The following MAP2K6 variants were observed in gnomAD, a reference collection of about 807,000 sequenced individuals.
MAP2K6 encodes the protein mitogen-activated protein kinase kinase 6.
A neutral mutation model predicts 53.7 loss-of-function variants in MAP2K6; 16 were observed. The ratio of observed to expected loss-of-function variants is 0.30; its 90% CI spans 0.20 to 0.45. MAP2K6 has a LOEUF of 0.45. Ranked by LOEUF, MAP2K6 falls within the 20% of genes least tolerant of loss-of-function variation. MAP2K6 has a pLI of 1.00. For missense variants in MAP2K6, 204 were observed against 411.9 expected (o/e 0.50, Z 4.37); for synonymous variants, 132 against 143.1 (o/e 0.92, Z 0.55).
chr17:69,457,310 T>G (rs1001891651), intron 1 of MAP2K6, among the ~76,000 whole-genome samples: 3 of 152,240 alleles, frequency 2.0e-5, no homozygotes, highest in African/African-American at 7.2e-5. Flanking sequence ...TCTTATCTGA[T>G]GCCTGTGGAC....
intron 1 of MAP2K6, among the ~76,000 whole-genome samples, chr17:69,424,732 A>T (rs1386496261): frequency 2.0e-5 from 3 of 152,228 alleles, no homozygotes; most frequent in African/African-American, 7.2e-5. Context: ...AAGTATGGTA[A>T]TTAAGAAGGG....
At chr17:69,487,142 C>T (rs1908571020) in intron 1 of MAP2K6, among the ~76,000 whole-genome samples, 1 of 152,158 alleles carries the variant, frequency 6.6e-6, no homozygotes, top group South Asian at 2.1e-4. Flanking sequence ...GGACTTTTTC[C>T]TTTGGATACC....
chr17:69,552,398 A>G lies in MAP2K6; in HGVS notation c.*10645A>G, dbSNP rs1313435150. 6.6e-6 allele frequency: 1 copy of G among 152,220 alleles called. No individual in the cohort carries two copies. The highest frequency in any genetic ancestry group is 1.5e-5 in the Non-Finnish European group (1 of 68,052). The allele number at this position is 152,220 out of a possible 1,614,324, so 9.4% of individuals were successfully genotyped here. On this transcript the variant is annotated 3_prime_UTR_variant, in exon 12 of 12. Coordinates refer to ENST00000590474, the MANE Select transcript of MAP2K6 (RefSeq NM_002758.4). Reference sequence around the variant, plus strand: ...TGAATGCTATTCAGTGGATTCCCTCATTGAGGCTCCCATCTTTCCTGCCAG... The same window carrying G: ...TGAATGCTATTCAGTGGATTCCCTCGTTGAGGCTCCCATCTTTCCTGCCAG...
At chr17:69,455,862 T>G (rs991760003) in intron 1 of MAP2K6, among the ~76,000 whole-genome samples, 4 of 145,936 alleles carry the variant, frequency 2.7e-5, no homozygotes, top group Non-Finnish European at 4.5e-5. Context: ...TTTTTTTTTT[T>G]TTTTTTTTTT....
In MAP2K6 at chr17:69,542,801, C is replaced by G. The variant is rs1911702634; in HGVS notation, c.*1048C>G. On this transcript the variant is annotated 3_prime_UTR_variant, in exon 12 of 12. Transcript: ENST00000590474. Reference sequence around the variant, plus strand: ...AAGGATTGCCTTTGTAGTTAATGTACTCTTTGGCTTTGTTTGTTTGTTTTC... The same window carrying G: ...AAGGATTGCCTTTGTAGTTAATGTAGTCTTTGGCTTTGTTTGTTTGTTTTC... 6.6e-6 allele frequency: 1 copy of G among 152,306 alleles called. No individual in the cohort carries two copies. The highest frequency in any genetic ancestry group is 2.1e-4 in the South Asian group (1 of 4,824). 9.4% of individuals were successfully genotyped at this position (152,306 alleles called of 1,614,324 possible).
At chr17:69,455,487 A>G (rs1907373583) in intron 1 of MAP2K6, among the ~76,000 whole-genome samples, 1 of 152,252 alleles carries the variant, frequency 6.6e-6, no homozygotes, top group African/African-American at 2.4e-5. Flanking sequence ...CATTATTTTT[A>G]ATCAGGAAGG....
At chr17:69,526,837 C>G in intron 10 of MAP2K6, 128 bp downstream of exon 10, 2 of 1,124,954 alleles carry the variant, frequency 1.8e-6, no homozygotes, top group Non-Finnish European at 2.5e-6. Context: ...TATGCCCTCT[C>G]TGCTGGAGAA....
At chr17:69,495,278 G>A (rs1236279029) in intron 1 of MAP2K6, among the ~76,000 whole-genome samples, 2 of 149,608 alleles carry the variant, frequency 1.3e-5, no homozygotes, top group Non-Finnish European at 3.0e-5. Flanking sequence ...CGCTCTTGTC[G>A]CCCAAGCTGG....
At position 69,494,471 on chromosome 17, in the gene MAP2K6, C is replaced by T. The variant is rs1312437429; in HGVS notation, c.17-11309C>T. On this transcript the variant is annotated intron_variant, in intron 1 of 11. Coordinates refer to ENST00000590474, the MANE Select transcript of MAP2K6 (RefSeq NM_002758.4). This position sits in a 1 kb window ranked among gnomAD's most constrained non-coding sequence, Gnocchi z 4.2. ...CAAGGTCGTGCCACTGCACTCCAGC[C>T]TGGGTGACAAAGTGAGACTCTGTCT... 2.0e-5 allele frequency among the ~76,000 whole-genome samples: 3 copies of T among 151,520 alleles called. No homozygotes were observed. Among genetic ancestry groups the T allele is most frequent in the Non-Finnish European group, 4.4e-5 (3 of 67,940 alleles).
intron 11 of MAP2K6, among the ~76,000 whole-genome samples, chr17:69,539,549 C>A (rs1162181918): frequency 6.6e-6 from 1 of 152,186 alleles, no homozygotes; most frequent in Non-Finnish European, 1.5e-5. Context: ...TCCCCCTGCC[C>A]TTCTGGCTCT....
At chr17:69,478,713 C>A (rs944078709) in intron 1 of MAP2K6, among the ~76,000 whole-genome samples, 1 of 152,208 alleles carries the variant, frequency 6.6e-6, no homozygotes, top group Admixed American at 6.5e-5. Context: ...GCATGAGCCA[C>A]GGTGCCTGGC....
At chr17:69,527,239 T>G (rs1157620451) in intron 10 of MAP2K6, among the ~76,000 whole-genome samples, 1 of 152,172 alleles carries the variant, frequency 6.6e-6, no homozygotes, top group Non-Finnish European at 1.5e-5. Context: ...AGAATTACTT[T>G]CGGTGAGAAG....
rs371555398 is a variant in MAP2K6, at chr17:69,541,195, A to G, written c.928-481A>G. 1.6e-3 allele frequency among the ~76,000 whole-genome samples: 248 copies of G among 152,214 alleles called. No individual in the cohort carries two copies. In the Middle Eastern group the frequency reaches 0.049, roughly 30 times the overall value. ...GGAGAATCACTTGAACCCGGGAGGC[A>G]GAGTTTGCAGTGAGCCAAGATCGCA... On this transcript the variant is annotated intron_variant, in intron 11 of 11. Coordinates refer to ENST00000590474, the MANE Select transcript of MAP2K6 (RefSeq NM_002758.4).
In MAP2K6 at chr17:69,541,751, T is replaced by C; in HGVS notation, c.1003T>C (p.Ter335GlnextTer8). 6.2e-7 allele frequency: 1 copy of C among 1,611,490 alleles called. No individual in the cohort carries two copies. The highest frequency in any genetic ancestry group is 8.5e-7 in the Non-Finnish European group (1 of 1,178,122). The change falls in exon 12 of 12, where the codon TAA (stop) becomes CAA (glutamine). Residue 335 changes from the stop codon to glutamine (Q), a stop_lost. Transcript: ENST00000590474. Reference sequence around the variant, plus strand: ...TTTTGTAAAACTGATTCTTGGAGACTAAAAAGCAGTGGACTTAATCGGTTG... The same window carrying C: ...TTTTGTAAAACTGATTCTTGGAGACCAAAAAGCAGTGGACTTAATCGGTTG... ...ASFVKLILGD[*>Q] is the part of the protein sequence containing the mutation.
intron 1 of MAP2K6, among the ~76,000 whole-genome samples, chr17:69,482,911 C>T (rs1411959487): frequency 2.6e-5 from 4 of 151,908 alleles, no homozygotes; most frequent in African/African-American, 7.2e-5. Flanking sequence ...TCTTATGGAA[C>T]TTTTAATGAC....
chr17:69,539,445 AG>A (rs1249913448), intron 11 of MAP2K6, among the ~76,000 whole-genome samples: 4 of 152,094 alleles, frequency 2.6e-5, no homozygotes, highest in African/African-American at 9.7e-5. Flanking sequence ...TGCTTATAGG[AG>A]GGACTGGGTT....
chr17:69,485,525 C>T (rs1908501356), intron 1 of MAP2K6: 2 of 895,716 alleles, frequency 2.2e-6, no homozygotes, highest in Non-Finnish European at 1.3e-6. Flanking sequence ...CCTTTGCTGA[C>T]CTATTGTGGC....
intron 1 of MAP2K6, chr17:69,502,569 T>C: frequency 4.1e-6 from 4 of 985,330 alleles, no homozygotes; most frequent in Non-Finnish European, 4.8e-6. Flanking sequence ...GAGGAGCTGA[T>C]ATACTTGGAA....
At chr17:69,517,739 T>C in intron 4 of MAP2K6, 126 bp downstream of exon 4, 1 of 502,148 alleles carries the variant, frequency 2.0e-6, no homozygotes, top group Non-Finnish European at 3.3e-6. Context: ...AAAGATTATT[T>C]GCAGGGAACA....
Sources: allele counts gnomAD v4.1 joint callset (sites outside exome capture counted in the v4.1 genomes callset), GRCh38; gene constraint gnomAD v4.1.1; non-coding constraint Gnocchi (gnomAD v3.1); transcripts MANE v1.5; gene names NCBI Gene and HGNC (gene_info 2026-07-23, HGNC 2026-07-21).